TANGO6: variants seen among roughly 807,000 people sequenced by gnomAD.
TANGO6 encodes the protein transport and Golgi organization protein 6 homolog.
TANGO6 carries 90 observed loss-of-function variants against 114.2 expected under a neutral mutation model. That is an observed-to-expected ratio of 0.79 (90% CI 0.66 to 0.94). The LOEUF (loss-of-function observed/expected upper bound fraction) is 0.94. Among genes scored for constraint, TANGO6 ranks in the 40% least tolerant of loss-of-function variants. The pLI is 0.00. For missense variants in TANGO6, 1,274 were observed against 1,315.3 expected (o/e 0.97, Z 0.49); for synonymous variants, 477 against 509.8 (o/e 0.94, Z 0.87).
chr16:69,050,010 G>C (rs9921713), intron 17 of TANGO6, among the ~76,000 whole-genome samples: 16,988 of 152,090 alleles, frequency 0.11, 1,040 homozygotes, highest in South Asian at 0.18. Context: ...TCTACTTTTT[G>C]GCTATTTTAA....
At chr16:69,018,384 G>A (rs1356045057) in intron 15 of TANGO6, among the ~76,000 whole-genome samples, 2 of 149,776 alleles carry the variant, frequency 1.3e-5, no homozygotes, top group South Asian at 2.1e-4. Flanking sequence ...TCCTGACCTC[G>A]TGATCTGCCC....
At chr16:68,958,311 G>A (rs1376087232) in intron 14 of TANGO6, among the ~76,000 whole-genome samples, 1 of 151,820 alleles carries the variant, frequency 6.6e-6, no homozygotes, top group East Asian at 1.9e-4. Flanking sequence ...TCAACATGGA[G>A]AAACCCTGTC....
chr16:68,922,734 A>G (rs1008866398), intron 12 of TANGO6, among the ~76,000 whole-genome samples: 13 of 152,218 alleles, frequency 8.5e-5, no homozygotes, highest in Middle Eastern at 3.4e-3. Flanking sequence ...GAGGCTGAGC[A>G]GACCATTCCA....
chr16:69,017,610 C>G (rs1959322372), intron 15 of TANGO6, among the ~76,000 whole-genome samples: 1 of 152,128 alleles, frequency 6.6e-6, no homozygotes. Flanking sequence ...TCTCCTAAAT[C>G]TCATTTTCCT....
intron 14 of TANGO6, 122 bp from the exon 15 acceptor site, chr16:68,973,906 G>C (rs543462403): frequency 2.6e-6 from 3 of 1,168,380 alleles, no homozygotes; most frequent in Non-Finnish European, 3.6e-6. Context: ...GGCAGCCCTT[G>C]CTGGGAGAGC....
intron 7 of TANGO6, among the ~76,000 whole-genome samples, chr16:68,895,370 A>G (rs963283927): frequency 6.6e-6 from 1 of 152,160 alleles, no homozygotes; most frequent in Non-Finnish European, 1.5e-5. Flanking sequence ...ATATAAAATA[A>G]AAAAATAAAA....
intron 7 of TANGO6, among the ~76,000 whole-genome samples, chr16:68,898,640 G>A (rs1024749516): frequency 3.3e-5 from 5 of 151,908 alleles, no homozygotes; most frequent in Non-Finnish European, 7.4e-5. Context: ...ACACTGGGCC[G>A]CTTTCACCCG....
chr16:68,980,409 C>CTCTCTCTCTCTCTCTCTCTATATA (rs1408626276), intron 15 of TANGO6, among the ~76,000 whole-genome samples: 1 of 67,992 alleles, frequency 1.5e-5, no homozygotes, highest in Non-Finnish European at 2.7e-5. Flanking sequence ...CTCTCTCTCT[C>CTCTCTCTCTCTCTCTCTCTATATA]TATATATATA....
rs181669887 is a variant in TANGO6 at position 68,915,772 on chromosome 16, G to A, written c.1993-3313G>A. The stretch of plus-strand genomic sequence containing the variant: ...TTTAATAACCTTTCTAGTTTCCTGC[G>A]TTGCTTCAGAAGACAAGTGTTAACA... On this transcript the variant is annotated intron_variant, in intron 11 of 17. Coordinates refer to ENST00000261778, the MANE Select transcript of TANGO6 (RefSeq NM_024562.2). 9.6e-4 allele frequency among the ~76,000 whole-genome samples: 146 copies of A among 152,170 alleles called. 1 individual carries two copies. The highest frequency in any genetic ancestry group is 3.2e-4 in the Non-Finnish European group (22 of 68,016).
At chr16:68,994,681 C>A (rs1285315502) in intron 15 of TANGO6, among the ~76,000 whole-genome samples, 1 of 151,382 alleles carries the variant, frequency 6.6e-6, no homozygotes, top group East Asian at 1.9e-4. Context: ...CTCAAACAAT[C>A]CTCCCACTTG....
chr16:69,062,692 G>A (rs565029775), intron 17 of TANGO6, among the ~76,000 whole-genome samples: 21 of 150,146 alleles, frequency 1.4e-4, no homozygotes, highest in African/African-American at 5.1e-4. Context: ...AGGCTGGTCT[G>A]GAACCACTGA....
chr16:69,072,476 G>A (rs9934464), intron 17 of TANGO6, among the ~76,000 whole-genome samples: 1 of 151,754 alleles, frequency 6.6e-6, no homozygotes, highest in African/African-American at 2.4e-5. Context: ...TCCTGCCCCC[G>A]ACAGAGGCTC....
At chr16:69,071,906 T>C (rs1457655925) in intron 17 of TANGO6, among the ~76,000 whole-genome samples, 3 of 152,198 alleles carry the variant, frequency 2.0e-5, no homozygotes, top group Admixed American at 6.5e-5. Flanking sequence ...GCCAAGCCTC[T>C]TCTGGTCCTT....
intron 15 of TANGO6, among the ~76,000 whole-genome samples, chr16:69,002,725 T>G (rs1964055021): frequency 6.6e-6 from 1 of 152,118 alleles, no homozygotes; most frequent in Non-Finnish European, 1.5e-5. Context: ...AAGCTGATTT[T>G]TAACCATAGA....
intron 1 of TANGO6, among the ~76,000 whole-genome samples, chr16:68,845,328 C>A (rs1295799120): frequency 6.6e-6 from 1 of 152,138 alleles, no homozygotes; most frequent in African/African-American, 2.4e-5. Flanking sequence ...TGAAAGTAAT[C>A]ATCTGTTATG....
At chr16:69,070,044 T>TAA (rs775552668) in intron 17 of TANGO6, among the ~76,000 whole-genome samples, 26 of 75,342 alleles carry the variant, frequency 3.5e-4, no homozygotes, top group African/African-American at 1.1e-3. Context: ...CTGTCTGTAC[T>TAA]AAAAAAAAAA....
At chr16:68,985,899 G>T (rs1963884627) in intron 15 of TANGO6, among the ~76,000 whole-genome samples, 1 of 151,842 alleles carries the variant, frequency 6.6e-6, no homozygotes, top group Admixed American at 6.6e-5. Context: ...TGACACCTTT[G>T]GTATAAACTA....
At chr16:69,055,660 G>A (rs1960021529) in intron 17 of TANGO6, among the ~76,000 whole-genome samples, 1 of 152,212 alleles carries the variant, frequency 6.6e-6, no homozygotes, top group Non-Finnish European at 1.5e-5. Context: ...TAGGACTATT[G>A]CCTAGGACTA....
intron 7 of TANGO6, among the ~76,000 whole-genome samples, chr16:68,882,025 A>C (rs1446557490): frequency 1.3e-5 from 2 of 152,032 alleles, no homozygotes; most frequent in Non-Finnish European, 2.9e-5. Context: ...TAATAAATTT[A>C]TAATAATTTA....
Sources: gnomAD v4.1 joint callset for allele counts (sites outside exome capture counted in the v4.1 genomes callset) on GRCh38, gnomAD v4.1.1 for gene constraint, MANE v1.5 for transcripts, NCBI Gene and HGNC (gene_info 2026-07-23, HGNC 2026-07-21) for gene names.